The following FABP12 variants were observed in gnomAD, a reference collection of about 807,000 sequenced individuals.
FABP12 encodes fatty acid binding protein 12.
FABP12 carries 19 observed loss-of-function variants against 13.7 expected under a neutral mutation model. The observed-to-expected ratio is 1.39, with a 90% confidence interval of 0.97 to 2.04. The LOEUF (loss-of-function observed/expected upper bound fraction) is 2.04. Among genes scored for constraint, FABP12 ranks in the 30% most tolerant of loss-of-function variants. FABP12 has a pLI of 0.00. For synonymous variants in FABP12, 61 were observed against 57.0 expected, an observed-to-expected ratio of 1.07 and a Z score of -0.32; for missense variants, 182 against 164.2, an observed-to-expected ratio of 1.11 and a Z score of -0.59.
intron 1 of FABP12, among the ~76,000 whole-genome samples, chr8:81,561,966 G>A (rs1809730909): frequency 6.6e-6 from 1 of 152,182 alleles, no homozygotes; most frequent in Non-Finnish European, 1.5e-5. Flanking sequence ...ACTATCCAGG[G>A]TATCCAGAGA....
At chr8:81,579,979 G>A (rs1348058480) in intron 1 of FABP12, among the ~76,000 whole-genome samples, 1 of 152,166 alleles carries the variant, frequency 6.6e-6, no homozygotes, top group African/African-American at 2.4e-5. Flanking sequence ...AAACTGAGCT[G>A]TAAACATACT....
intron 1 of FABP12, among the ~76,000 whole-genome samples, chr8:81,586,866 A>C (rs2114696): frequency 0.95 from 144,984 of 152,334 alleles, 69,042 homozygotes; most frequent in East Asian, 1. Flanking sequence ...AAGTCTTTGG[A>C]AGGGCTAATG....
chr8:81,560,697 G>C (rs1212343531), intron 1 of FABP12, among the ~76,000 whole-genome samples: 1 of 152,098 alleles, frequency 6.6e-6, no homozygotes, highest in Non-Finnish European at 1.5e-5. Flanking sequence ...ACCTCATTTA[G>C]TCTCCTCAGC....
intron 3 of FABP12, 61 bp downstream of exon 3, chr8:81,529,377 G>A (rs767508566): frequency 3.9e-6 from 6 of 1,526,184 alleles, no homozygotes; most frequent in South Asian, 1.1e-5. Flanking sequence ...CTTACTTACC[G>A]AGGATGATAT....
chr8:81,556,422 T>A (rs1157834819), intron 1 of FABP12, among the ~76,000 whole-genome samples: 1 of 152,158 alleles, frequency 6.6e-6, no homozygotes, highest in African/African-American at 2.4e-5. Flanking sequence ...ATTACCATGG[T>A]GGCTTTTTCA....
intron 1 of FABP12, among the ~76,000 whole-genome samples, chr8:81,580,421 A>G (rs1038146078): frequency 2.0e-4 from 30 of 152,168 alleles, no homozygotes; most frequent in East Asian, 5.8e-4. Context: ...CTTTGAATAT[A>G]TTGTCAACAA....
At chr8:81,585,607 T>C (rs975706202) in intron 1 of FABP12, among the ~76,000 whole-genome samples, 1 of 152,208 alleles carries the variant, frequency 6.6e-6, no homozygotes, top group African/African-American at 2.4e-5. Context: ...TTTTATCTAT[T>C]TCTGTGAGAA....
intron 1 of FABP12, among the ~76,000 whole-genome samples, chr8:81,563,277 C>A (rs750540964): frequency 1.7e-4 from 26 of 152,302 alleles, no homozygotes; most frequent in Non-Finnish European, 2.8e-4. Flanking sequence ...TCACAGCATG[C>A]AAGTCCCTTC....
chr8:81,544,298 G>A (rs1332772346), intron 1 of FABP12, among the ~76,000 whole-genome samples: 1 of 152,184 alleles, frequency 6.6e-6, no homozygotes, highest in Admixed American at 6.5e-5. Flanking sequence ...GTCTGAAAAC[G>A]AGATGTTGGC....
intron 1 of FABP12, among the ~76,000 whole-genome samples, chr8:81,587,608 G>C (rs1810262223): frequency 6.6e-6 from 1 of 151,950 alleles, no homozygotes; most frequent in Non-Finnish European, 1.5e-5. Context: ...CCCAAACTGA[G>C]AGCCAATAAC....
upstream of FABP12, among the ~76,000 whole-genome samples, chr8:81,534,288 G>A (rs1809167798): frequency 6.6e-6 from 1 of 152,070 alleles, no homozygotes; most frequent in South Asian, 2.1e-4. Flanking sequence ...TCAAAGCAGG[G>A]AGCCTTTCAT....
chr8:81,589,325 G>T (rs78189939), intron 1 of FABP12, among the ~76,000 whole-genome samples: 15,411 of 152,176 alleles, frequency 0.1, 995 homozygotes, highest in Middle Eastern at 0.16. Context: ...GGGAGGCCAA[G>T]GATTAAGGAC....
At chr8:81,540,648 G>C (rs903648411) in intron 1 of FABP12, among the ~76,000 whole-genome samples, 1 of 152,158 alleles carries the variant, frequency 6.6e-6, no homozygotes, top group African/African-American at 2.4e-5. Context: ...TGCAATGTGG[G>C]ATCCCAAATT....
intron 1 of FABP12, among the ~76,000 whole-genome samples, chr8:81,568,309 G>T (rs1320313802): frequency 6.6e-6 from 1 of 152,118 alleles, no homozygotes; most frequent in African/African-American, 2.4e-5. Context: ...ATTTAAAAAT[G>T]GGCAAAAGAT....
intron 1 of FABP12, among the ~76,000 whole-genome samples, chr8:81,586,766 T>C (rs962952918): frequency 1.3e-5 from 2 of 152,218 alleles, no homozygotes; most frequent in Non-Finnish European, 2.9e-5. Context: ...CTGTTGATAG[T>C]TTCTTTTGAT....
chr8:81,573,306 A>G (rs1253561601), intron 1 of FABP12, among the ~76,000 whole-genome samples: 1 of 152,140 alleles, frequency 6.6e-6, no homozygotes, highest in Non-Finnish European at 1.5e-5. Context: ...CCATTGGTCT[A>G]TGTGCCTATT....
At chr8:81,548,957 TAAAC>T (rs1179905990) in intron 1 of FABP12, among the ~76,000 whole-genome samples, 2 of 152,198 alleles carry the variant, frequency 1.3e-5, no homozygotes, top group Non-Finnish European at 2.9e-5. Context: ...GATTAACACT[TAAAC>T]AGACAGACGT....
At chr8:81,535,421 T>C (rs1809198723), upstream of FABP12, among the ~76,000 whole-genome samples, 1 of 152,172 alleles carries the variant, frequency 6.6e-6, no homozygotes, top group Admixed American at 6.5e-5. Context: ...ATAATAATTC[T>C]TGTTTGAATT....
chr8:81,540,280 G>A (rs1310219428), intron 1 of FABP12, among the ~76,000 whole-genome samples: 2 of 152,220 alleles, frequency 1.3e-5, no homozygotes, highest in Non-Finnish European at 2.9e-5. Flanking sequence ...GCTCAAATAT[G>A]AGAACCATTG....
Sources: gnomAD v4.1 joint callset for allele counts (sites outside exome capture counted in the v4.1 genomes callset) on GRCh38, gnomAD v4.1.1 for gene constraint, MANE v1.5 for transcripts, NCBI Gene and HGNC (gene_info 2026-07-23, HGNC 2026-07-21) for gene names.